Variants in TMC5 observed in about 807,000 individuals in gnomAD.
TMC5 encodes transmembrane channel-like protein 5.
TMC5 carries 86 observed loss-of-function variants against 110.5 expected under a neutral mutation model. The observed-to-expected ratio is 0.78, with a 90% confidence interval of 0.65 to 0.93. The LOEUF (loss-of-function observed/expected upper bound fraction) is 0.93. Ranked by LOEUF, TMC5 falls within the 40% of genes least tolerant of loss-of-function variation. The pLI is 0.00. For synonymous variants in TMC5, 455 were observed against 439.5 expected (o/e 1.04, Z -0.44); for missense variants, 1,144 against 1,222.8 (o/e 0.94, Z 0.96).
intron 4 of TMC5, among the ~76,000 whole-genome samples, chr16:19,447,893 A>G (rs937320580): frequency 1.3e-5 from 1 of 74,882 alleles, no homozygotes; most frequent in Admixed American, 1.4e-4. Context: ...TGAAGCTCAG[A>G]GATGCTAAGA....
In TMC5 at chr16:19,472,236, A is replaced by G. The variant is rs1968362600; in HGVS notation, c.1931A>G (p.Asn644Ser). The G allele has an allele frequency of 2.5e-6, 4 of 1,613,842 alleles. No homozygotes were observed. Among genetic ancestry groups the G allele is most frequent in the Non-Finnish European group, 3.4e-6 (4 of 1,179,930 alleles). Reference sequence around the variant, plus strand: ...GCCGTTTATTACCTGGCTGAGTACAACTTAGAGGTAACCAACACCAGGGTC... The same window carrying G: ...GCCGTTTATTACCTGGCTGAGTACAGCTTAGAGGTAACCAACACCAGGGTC... ...CAAVYYLAEYNLEFLKTHSNP... is the reference protein window; with the variant it reads ...CAAVYYLAEYSLEFLKTHSNP... Residue 644 changes from asparagine (N) to serine (S), a missense_variant, in exon 11 of 22, where the codon AAC (asparagine) becomes AGC (serine). Transcript: ENST00000542583.
intron 2 of TMC5, among the ~76,000 whole-genome samples, chr16:19,438,435 G>GAAAAAGAAAGAAAGAAAGAAAGAA: frequency 9.6e-6 from 1 of 103,936 alleles, no homozygotes; most frequent in Admixed American, 1.0e-4. Flanking sequence ...AAGAAAGAAA[G>GAAAAAGAAAGAAAGAAAGAAAGAA]AGAAAGAAAG....
intron 1 of TMC5, among the ~76,000 whole-genome samples, chr16:19,420,551 C>G (rs1166369036): frequency 6.6e-6 from 1 of 152,140 alleles, no homozygotes; most frequent in African/African-American, 2.4e-5. Flanking sequence ...GCCTCAACTC[C>G]CTTGTTTCAA....
intron 20 of TMC5, 61 bp downstream of exon 20, chr16:19,494,427 G>A (rs1483102373): frequency 3.5e-5 from 41 of 1,187,140 alleles, no homozygotes; most frequent in South Asian, 7.6e-5. Flanking sequence ...TGTAAAAAGC[G>A]CGTCAGAGAA....
chr16:19,478,483 C>G (rs953213245), intron 13 of TMC5, among the ~76,000 whole-genome samples: 1 of 152,170 alleles, frequency 6.6e-6, no homozygotes, highest in African/African-American at 2.4e-5. Context: ...ATCCATCCAT[C>G]CATTCCCCCA....
rs1233196809 is a variant in TMC5 at position 19,434,343 on chromosome 16, T to TTA, written c.-80+3707_-80+3708dup. On this transcript the variant is annotated intron_variant, in intron 2 of 21. Transcript: ENST00000542583. ...AATATAGATCTATATATAATATATA[T>TTA]TATATGATCTATATTATATATATAA... Among the ~76,000 whole-genome samples, 253 of 122,178 alleles carry TTA rather than the reference T, an allele frequency of 2.1e-3. 3 individuals carry two copies. Among genetic ancestry groups the TTA allele is most frequent in the Non-Finnish European group, 3.5e-3 (215 of 62,068 alleles). 80.2% of individuals were successfully genotyped at this position (122,178 alleles called of 152,430 possible). A position where few individuals can be genotyped will look rare whatever the true frequency, so the allele number is the denominator to read the frequency against.
At chr16:19,451,639 G>T (rs753596362) in intron 5 of TMC5, among the ~76,000 whole-genome samples, 1 of 151,876 alleles carries the variant, frequency 6.6e-6, no homozygotes. Context: ...CCAAGAAAGC[G>T]ATCAATTTTA....
intron 20 of TMC5, among the ~76,000 whole-genome samples, chr16:19,496,715 T>C (rs1011383030): frequency 2.1e-4 from 32 of 150,942 alleles, no homozygotes; most frequent in Admixed American, 2.0e-3. Flanking sequence ...TGAAACCCTG[T>C]CTCTACTAAA....
At chr16:19,452,686 C>T (rs895552514) in intron 5 of TMC5, among the ~76,000 whole-genome samples, 1 of 152,110 alleles carries the variant, frequency 6.6e-6, no homozygotes, top group Non-Finnish European at 1.5e-5. Context: ...GGTGTATGAT[C>T]TCATACTAAT....
intron 3 of TMC5, among the ~76,000 whole-genome samples, chr16:19,441,487 A>C (rs948758000): frequency 9.2e-5 from 14 of 151,778 alleles, no homozygotes; most frequent in African/African-American, 3.4e-4. Context: ...TGCCCGGCTA[A>C]GTTTTTATTT....
At chr16:19,484,904 C>A (rs16972060) in intron 15 of TMC5, among the ~76,000 whole-genome samples, 1 of 148,340 alleles carries the variant, frequency 6.7e-6, no homozygotes, top group South Asian at 2.1e-4. Flanking sequence ...CTAACCTTTG[C>A]GGGTTTTAGG....
At chr16:19,464,349 A>G (rs986772745) in intron 8 of TMC5, among the ~76,000 whole-genome samples, 2 of 152,190 alleles carry the variant, frequency 1.3e-5, no homozygotes, top group African/African-American at 4.8e-5. Context: ...GCTTGAGCCC[A>G]GGAGGCAGAG....
At chr16:19,439,398 T>G (rs371660002) in intron 2 of TMC5, among the ~76,000 whole-genome samples, 2 of 152,318 alleles carry the variant, frequency 1.3e-5, no homozygotes, top group East Asian at 3.9e-4. Flanking sequence ...GCACAAAAAG[T>G]CCTTGTTTCT....
rs1263621170 is a variant in TMC5, at chr16:19,466,182, T to G, written c.1586T>G (p.Ile529Ser). The change falls in exon 9 of 22, where the codon ATC becomes AGC. Residue 529 changes from isoleucine (I) to serine (S), a missense_variant. By Grantham distance (142) the Ile-to-Ser change is moderately radical. Transcript: ENST00000542583. ...GASYNMQLAY[I>S]FTIGACLTTC... ...TCCTACAACATGCAGCTGGCCTACA[T>G]CTTCACAATCGGAGCATGCTTGACC... The G allele has an allele frequency of 1.9e-6, 3 of 1,614,138 alleles. No individual in the cohort carries two copies. The highest frequency in any genetic ancestry group is 2.2e-5 in the South Asian group (2 of 91,086).
intron 2 of TMC5, among the ~76,000 whole-genome samples, chr16:19,436,277 A>AAAAAAAAAAAAG (rs1413382077): frequency 6.6e-6 from 1 of 151,026 alleles, no homozygotes; most frequent in African/African-American, 2.4e-5. Context: ...CAAAAAGAAA[A>AAAAAAAAAAAAG]AAAAAAAGAA....
intron 19 of TMC5, 183 bp downstream of exon 19, chr16:19,492,411 T>G (rs1474699154): frequency 4.8e-6 from 2 of 416,620 alleles, no homozygotes; most frequent in Non-Finnish European, 8.5e-6. Context: ...ATCCCTTATT[T>G]TTATTCTTAG....
At chr16:19,452,985 G>A (rs907846481) in intron 5 of TMC5, among the ~76,000 whole-genome samples, 1 of 141,014 alleles carries the variant, frequency 7.1e-6, no homozygotes, top group Non-Finnish European at 1.5e-5. Context: ...CAGGAACCAC[G>A]GGTGGGAAAA....
chr16:19,470,516 A>G (rs896457632), intron 10 of TMC5, among the ~76,000 whole-genome samples: 3 of 151,976 alleles, frequency 2.0e-5, no homozygotes, highest in African/African-American at 4.8e-5. Context: ...CTGGCCCCTC[A>G]GGGGGACATT....
chr16:19,495,972 A>C (rs185655235), intron 20 of TMC5, among the ~76,000 whole-genome samples: 16 of 152,084 alleles, frequency 1.1e-4, no homozygotes, highest in Admixed American at 9.2e-4. Flanking sequence ...ATCTCTAGTA[A>C]AAATATAAAA....
Sources: allele counts gnomAD v4.1 joint callset (sites outside exome capture counted in the v4.1 genomes callset), GRCh38; gene constraint gnomAD v4.1.1; transcripts MANE v1.5; gene names NCBI Gene and HGNC (gene_info 2026-07-23, HGNC 2026-07-21).